Variants in PRPF39 observed in about 807,000 individuals in gnomAD.
PRPF39 encodes the protein pre-mRNA-processing factor 39.
PRPF39 carries 27 observed loss-of-function variants against 82.1 expected under a neutral mutation model. The observed-to-expected ratio is 0.33, with a 90% confidence interval of 0.24 to 0.45. The LOEUF (loss-of-function observed/expected upper bound fraction) is 0.45. PRPF39 is among the 20% of genes least tolerant of loss of function. PRPF39 has a pLI of 1.00. For missense variants in PRPF39, 581 were observed against 796.9 expected (o/e 0.73, Z 3.26); for synonymous variants, 261 against 256.4 (o/e 1.02, Z -0.17).
In PRPF39 at chr14:45,110,945, A is replaced by G. The variant is rs1884678394; in HGVS notation, c.1572+128A>G. On this transcript the variant is annotated intron_variant, in intron 10 of 13. Coordinates refer to ENST00000355765, the MANE Select transcript of PRPF39 (RefSeq NM_017922.4). The surrounding 1 kb of genome is among the most constrained non-coding windows in gnomAD (Gnocchi z 4.0). Reference sequence around the variant, plus strand: ...GATTTTATTACTAAATGAGGACAACAGTCCCTCTAAACTGATGTTGCCATT... The same window carrying G: ...GATTTTATTACTAAATGAGGACAACGGTCCCTCTAAACTGATGTTGCCATT... 1.8e-5 allele frequency: 17 copies of G among 954,516 alleles called. No individual in the cohort carries two copies. Among genetic ancestry groups the G allele is most frequent in the Non-Finnish European group, 2.3e-5 (15 of 658,376 alleles). The allele number at this position is 954,516 out of a possible 1,614,324, so 59.1% of individuals were successfully genotyped here. A position where few individuals can be genotyped will look rare whatever the true frequency, so the allele number is the denominator to read the frequency against.
At position 45,110,297 on chromosome 14, in the gene PRPF39, G is replaced by A; in HGVS notation, c.1303+77G>A. ...GAAACAGTGACAAATTGAGTGGTAAGGGATGGTGTAAAGCAGAGTTTGGCA... is the reference window on the plus strand; with the variant it reads ...GAAACAGTGACAAATTGAGTGGTAAAGGATGGTGTAAAGCAGAGTTTGGCA... On this transcript the variant is annotated intron_variant, in intron 9 of 13. Coordinates refer to ENST00000355765, the MANE Select transcript of PRPF39 (RefSeq NM_017922.4). The surrounding 1 kb of genome is among the most constrained non-coding windows in gnomAD (Gnocchi z 4.0). 6.4e-7 allele frequency: 1 copy of A among 1,569,380 alleles called. No homozygotes were observed. The highest frequency in any genetic ancestry group is 1.1e-5 in the South Asian group (1 of 87,544).
chr14:45,101,577 T>C (rs1884375579), intron 4 of PRPF39, among the ~76,000 whole-genome samples: 1 of 152,054 alleles, frequency 6.6e-6, no homozygotes, highest in African/African-American at 2.4e-5. Flanking sequence ...GTGATTCTCA[T>C]GCCTCAGACT....
chr14:45,106,822 A>T (rs898956761), intron 5 of PRPF39, among the ~76,000 whole-genome samples: 1 of 152,218 alleles, frequency 6.6e-6, no homozygotes, highest in African/African-American at 2.4e-5. Flanking sequence ...GGAATAAGAC[A>T]TAGAGCAGCA....
intron 5 of PRPF39, among the ~76,000 whole-genome samples, chr14:45,104,377 G>A (rs915209048): frequency 2.0e-5 from 3 of 151,296 alleles, no homozygotes; most frequent in Non-Finnish European, 2.9e-5. Flanking sequence ...AGTTCTTATA[G>A]TTTATATAAG....
chr14:45,111,773 G>T (rs996463966), intron 10 of PRPF39, among the ~76,000 whole-genome samples: 2 of 151,320 alleles, frequency 1.3e-5, no homozygotes, highest in East Asian at 3.9e-4. Context: ...CAAGTAGCTG[G>T]GATTAAAGGT....
intron 4 of PRPF39, among the ~76,000 whole-genome samples, chr14:45,100,827 G>A (rs1884352262): frequency 6.6e-6 from 1 of 152,036 alleles, no homozygotes; most frequent in Non-Finnish European, 1.5e-5. Flanking sequence ...ATGTGCTTCT[G>A]TTTTAATTCT....
chr14:45,102,364 G>C (rs1884403580), intron 4 of PRPF39, among the ~76,000 whole-genome samples, 165 bp from the exon 5 acceptor site: 1 of 152,100 alleles, frequency 6.6e-6, no homozygotes, highest in Admixed American at 6.6e-5. Context: ...TTTTTAAGCA[G>C]CTGTTGTATG....
chr14:45,084,813 C>T (rs1594719837), intron 1 of PRPF39, among the ~76,000 whole-genome samples: 3 of 152,212 alleles, frequency 2.0e-5, no homozygotes, highest in East Asian at 3.9e-4. Flanking sequence ...AGGGATTGTG[C>T]TTAAGAATGT....
In PRPF39 at chr14:45,114,596, T is replaced by C. The variant is rs745314810; in HGVS notation, c.1935T>C (p.Asn645=). The change falls in exon 13 of 14, where the codon AAT becomes AAC. Residue 645 remains asparagine (N), a synonymous_variant. Coordinates refer to ENST00000355765, the MANE Select transcript of PRPF39 (RefSeq NM_017922.4). ...TACAGGCAAACCAAGCTGTATATAA[T>C]TATAGTGCGTGGTATCAAGTGAGTC... ...GDLQANQAVY[N]YSAWYQYNYQ... 13 of 1,610,292 alleles carry C rather than the reference T, an allele frequency of 8.1e-6. No homozygotes were observed. The African/African-American group carries it at 9.3e-5, about 12-fold the overall frequency.
At position 45,084,202 on chromosome 14, in the gene PRPF39, G is replaced by A. The variant is rs1241605729; in HGVS notation, c.-67G>A. 6.5e-6 allele frequency: 1 copy of A among 153,276 alleles called. No homozygotes were observed. Among genetic ancestry groups the A allele is most frequent in the East Asian group, 1.9e-4 (1 of 5,212 alleles). 9.5% of individuals were successfully genotyped at this position (153,276 alleles called of 1,614,324 possible). ...GGCGGTGAAGTGCCATCTTCGGCTA[G>A]GTCGTCACAGGCTCCGGCTCATGGC... is the stretch of plus-strand genomic sequence containing the variant. On this transcript the variant is annotated 5_prime_UTR_variant, in exon 1 of 14. Coordinates refer to ENST00000355765, the MANE Select transcript of PRPF39 (RefSeq NM_017922.4).
At chr14:45,103,064 A>G (rs997563809) in intron 5 of PRPF39, among the ~76,000 whole-genome samples, 1 of 151,912 alleles carries the variant, frequency 6.6e-6, no homozygotes, top group Admixed American at 6.6e-5. Flanking sequence ...ATAGATGCTT[A>G]TTTTTTTTGA....
chr14:45,114,828 AT>A, intron 13 of PRPF39, 28 bp from the exon 14 acceptor site: 1 of 1,549,984 alleles, frequency 6.5e-7, no homozygotes, highest in Non-Finnish European at 8.9e-7. Flanking sequence ...CAGTTCTAAT[AT>A]GCTAACATAC....
chr14:45,094,934 T>C (rs1392235766), intron 1 of PRPF39, among the ~76,000 whole-genome samples: 1 of 152,222 alleles, frequency 6.6e-6, no homozygotes. Context: ...TATTTCTTCA[T>C]TGGGTAGCAG....
At position 45,110,999 on chromosome 14, in the gene PRPF39, T is replaced by G; in HGVS notation, c.1572+182T>G. 1.7e-6 allele frequency: 1 copy of G among 604,474 alleles called. No individual in the cohort carries two copies. Among genetic ancestry groups the G allele is most frequent in the Non-Finnish European group, 2.8e-6 (1 of 353,322 alleles). 37.4% of individuals were successfully genotyped at this position (604,474 alleles called of 1,614,324 possible). ...AAATTTTTTTCAAATTGTTTTGAAT[T>G]AAAAGTTTTAGACATTAAGATTATT... is the stretch of plus-strand genomic sequence containing the variant. On this transcript the variant is annotated intron_variant, in intron 10 of 13. Transcript: ENST00000355765. The surrounding 1 kb of genome is among the most constrained non-coding windows in gnomAD (Gnocchi z 4.0).
intron 5 of PRPF39, 74 bp from the exon 6 acceptor site, chr14:45,107,377 G>GTAC: frequency 8.8e-7 from 1 of 1,135,388 alleles, no homozygotes; most frequent in East Asian, 2.6e-5. Flanking sequence ...TGAAAGAGTA[G>GTAC]TATATAGTAG....
At chr14:45,089,902 C>G (rs1329346779) in intron 1 of PRPF39, among the ~76,000 whole-genome samples, 2 of 152,222 alleles carry the variant, frequency 1.3e-5, no homozygotes, top group Non-Finnish European at 2.9e-5. Flanking sequence ...AAAATGATCT[C>G]TATAAGCATA....
intron 1 of PRPF39, among the ~76,000 whole-genome samples, chr14:45,086,634 A>G (rs1883835672): frequency 6.6e-6 from 1 of 152,196 alleles, no homozygotes. Flanking sequence ...TGGAAAGTTA[A>G]GTTGAGACTG....
rs903773569 is a variant in PRPF39, at chr14:45,115,957, A to T, written c.*1044A>T. 2.3e-6 allele frequency: 1 copy of T among 441,626 alleles called. No individual in the cohort carries two copies. The highest frequency in any genetic ancestry group is 3.4e-5 in the East Asian group (1 of 29,764). The allele number at this position is 441,626 out of a possible 1,614,324, so 27.4% of individuals were successfully genotyped here. On this transcript the variant is annotated 3_prime_UTR_variant, in exon 14 of 14. Transcript: ENST00000355765. ...ACTTAAGTTTACAACATGAGGTAAA[A>T]GGAAAAAGTTCTCCTTGACCAGTAT...
chr14:45,102,845 G>A, intron 5 of PRPF39, 149 bp downstream of exon 5: 2 of 749,100 alleles, frequency 2.7e-6, no homozygotes, highest in Non-Finnish European at 4.1e-6. Context: ...CTACATGCTT[G>A]CTTTTGACAT....
Sources: allele counts gnomAD v4.1 joint callset (sites outside exome capture counted in the v4.1 genomes callset), GRCh38; gene constraint gnomAD v4.1.1; non-coding constraint Gnocchi (gnomAD v3.1); transcripts MANE v1.5; gene names NCBI Gene and HGNC (gene_info 2026-07-23, HGNC 2026-07-21).